The following TTLL12 variants were observed in gnomAD, a reference collection of about 807,000 sequenced individuals.
The protein encoded by TTLL12 is tubulin--tyrosine ligase-like protein 12.
In TTLL12, 77 loss-of-function variants were observed where a neutral mutation model predicts 79.6. The observed-to-expected ratio is 0.97, with a 90% CI of 0.81 to 1.17. TTLL12 has a LOEUF of 1.17. TTLL12 is among the 50% of genes most tolerant of loss of function. TTLL12 has a pLI of 0.00. For synonymous variants in TTLL12, 437 were observed against 376.1 expected (o/e 1.16, Z -1.87); for missense variants, 969 against 895.9 (o/e 1.08, Z -1.04).
intron 12 of TTLL12, 63 bp downstream of exon 12, chr22:43,169,437 C>T (rs138932): frequency 0.34 from 482,237 of 1,401,136 alleles, 89,373 homozygotes; most frequent in Non-Finnish European, 0.38. Context: ...GGAGCAGCTC[C>T]TGCAGGCCCC....
intron 11 of TTLL12, among the ~76,000 whole-genome samples, chr22:43,170,783 C>T (rs1264729356): frequency 5.9e-5 from 9 of 152,202 alleles, no homozygotes; most frequent in South Asian, 2.1e-4. Context: ...CGTGGAGGCA[C>T]GTGCCCGTAG....
At chr22:43,183,364 T>G (rs1047599012) in intron 1 of TTLL12, among the ~76,000 whole-genome samples, 1 of 152,178 alleles carries the variant, frequency 6.6e-6, no homozygotes, top group South Asian at 2.1e-4. Flanking sequence ...AGGGACCTAA[T>G]GTACCCCACC....
Position 43,174,602 on chromosome 22 carries a change from C to G in TTLL12, c.931G>C (p.Val311Leu). Residue 311 changes from valine to leucine, a missense_variant, in exon 7 of 14, where the codon GTG becomes CTG. Val to Leu is a conservative substitution (Grantham distance 32, BLOSUM62 1). Transcript: ENST00000216129. ...GTGAGGCTGCTGGCCACCTGCTGCA[C>G]GTCCGTGTAGACCCTGTGGGGAGAG... ...HGHIFKVYTD[V>L]QQVASSLTHP... 4 of 1,611,230 alleles carry G rather than the reference C, an allele frequency of 2.5e-6. No homozygotes were observed. The highest frequency in any genetic ancestry group is 3.4e-6 in the Non-Finnish European group (4 of 1,179,142).
chr22:43,173,335 G>A (rs1201710138), intron 9 of TTLL12, among the ~76,000 whole-genome samples: 1 of 152,058 alleles, frequency 6.6e-6, no homozygotes, highest in African/African-American at 2.4e-5. Flanking sequence ...TTTAAAGACT[G>A]GGTCTTGCTC....
Position 43,174,299 on chromosome 22 carries a change from C to A in TTLL12, c.1139G>T (p.Gly380Val), listed in dbSNP as rs780036299. 3 of 1,610,768 alleles carry A rather than the reference C, an allele frequency of 1.9e-6. No homozygotes were observed. The highest frequency in any genetic ancestry group is 1.7e-5 in the Admixed American group (1 of 59,780). ...GGGCAGCCAGGGTGGGCCCTCGGGG[C>A]CACCTGCCCGGCGCGCGATGGAGGC... Reference protein sequence around the residue: ...CLASIARRAGGPEGPPWLPRT... With the variant: ...CLASIARRAGVPEGPPWLPRT... The change falls in exon 8 of 14, where the codon GGC (glycine) becomes GTC (valine). Residue 380 changes from glycine to valine, a missense_variant. Physicochemically the swap from Gly to Val is moderately radical, Grantham distance 109 (BLOSUM62 -3). Transcript: ENST00000216129.
chr22:43,180,132 G>C, intron 3 of TTLL12, 132 bp from the exon 4 acceptor site: 1 of 1,129,148 alleles, frequency 8.9e-7, no homozygotes, highest in Non-Finnish European at 1.3e-6. Context: ...ATGTACCCCA[G>C]GCCCTTTAGC....
chr22:43,184,229 G>A (rs550698710), intron 1 of TTLL12, among the ~76,000 whole-genome samples: 6 of 152,336 alleles, frequency 3.9e-5, no homozygotes, highest in African/African-American at 4.8e-5. Flanking sequence ...CCCACTACTC[G>A]ATTAAAAACG....
intron 3 of TTLL12, 82 bp from the exon 4 acceptor site, chr22:43,180,082 C>T: frequency 6.9e-7 from 1 of 1,459,082 alleles, no homozygotes. Flanking sequence ...CATCGACCAC[C>T]AGCCCACAGC....
At chr22:43,185,769 G>A (rs895107645) in intron 1 of TTLL12, among the ~76,000 whole-genome samples, 1 of 152,224 alleles carries the variant, frequency 6.6e-6, no homozygotes, top group African/African-American at 2.4e-5. Context: ...GAGGCTGGCT[G>A]GGCAGGAGCT....
Position 43,167,899 on chromosome 22 carries a change from C to G in TTLL12, c.*109G>C. The G allele has an allele frequency of 7.1e-7, 1 of 1,414,174 alleles. No homozygotes were observed. The highest frequency in any genetic ancestry group is 9.7e-7 in the Non-Finnish European group (1 of 1,033,554). 87.6% of individuals were successfully genotyped at this position (1,414,174 alleles called of 1,614,324 possible). A position where few individuals can be genotyped will look rare whatever the true frequency, so the allele number is the denominator to read the frequency against. On this transcript the variant is annotated 3_prime_UTR_variant, in exon 14 of 14. Coordinates refer to ENST00000216129, the MANE Select transcript of TTLL12 (RefSeq NM_015140.4). The stretch of plus-strand genomic sequence containing the variant: ...GCAGGACAGAGGCCTGGGGCTGAGG[C>G]TATGCCCAGGGCCGGTGTGGGGAGG...
chr22:43,171,971 C>A, intron 10 of TTLL12, 71 bp from the exon 11 acceptor site: 1 of 1,326,058 alleles, frequency 7.5e-7, no homozygotes. Context: ...GTGCCACCCA[C>A]TCAGCCTTCC....
intron 13 of TTLL12, 25 bp downstream of exon 13, chr22:43,168,749 T>A (rs1931683140): frequency 1.3e-6 from 2 of 1,548,768 alleles, no homozygotes; most frequent in East Asian, 4.9e-5. Flanking sequence ...CTGGTTTGGA[T>A]CAGGAGATGG....
chr22:43,186,619 G>C lies in TTLL12; in HGVS notation c.177+274C>G, dbSNP rs1197133220. Reference sequence around the variant, plus strand: ...GGTGATGAGTTTCACTCCTCGCAGGGCTGTGTCAGGCTCGGGTGTGTGGAG... The same window carrying C: ...GGTGATGAGTTTCACTCCTCGCAGGCCTGTGTCAGGCTCGGGTGTGTGGAG... On this transcript the variant is annotated intron_variant, in intron 1 of 13. Coordinates refer to ENST00000216129, the MANE Select transcript of TTLL12 (RefSeq NM_015140.4). Among the ~76,000 whole-genome samples, 3 of 152,316 alleles carry C rather than the reference G, an allele frequency of 2.0e-5. 1 individual carries two copies. The highest frequency in any genetic ancestry group is 6.8e-3 in the Middle Eastern group (2 of 294).
At chr22:43,180,378 G>C (rs549841488) in intron 3 of TTLL12, among the ~76,000 whole-genome samples, 3 of 152,172 alleles carry the variant, frequency 2.0e-5, no homozygotes, top group African/African-American at 7.2e-5. Flanking sequence ...GAAACAAGCA[G>C]GTGTCTTTTC....
chr22:43,167,548 C>T lies in TTLL12; in HGVS notation c.*460G>A, dbSNP rs577118991. On this transcript the variant is annotated 3_prime_UTR_variant, in exon 14 of 14. Transcript: ENST00000216129. Reference sequence around the variant, plus strand: ...TCCTGATGCATAAGAGCAGAGACCCCGGAAGAGAAACCCGCCTGCCCCGTG... The same window carrying T: ...TCCTGATGCATAAGAGCAGAGACCCTGGAAGAGAAACCCGCCTGCCCCGTG... 9 of 187,526 alleles carry T rather than the reference C, an allele frequency of 4.8e-5. No individual in the cohort carries two copies. In the South Asian group the frequency reaches 5.7e-4, roughly 12 times the overall value. 11.6% of individuals were successfully genotyped at this position (187,526 alleles called of 1,614,324 possible).
intron 1 of TTLL12, among the ~76,000 whole-genome samples, chr22:43,185,352 A>G (rs1932158480): frequency 6.8e-6 from 1 of 146,836 alleles, no homozygotes; most frequent in African/African-American, 2.5e-5. Flanking sequence ...GCCTAAGGTG[A>G]GGCAGGAGGG....
At position 43,183,009 on chromosome 22, in the gene TTLL12, C is replaced by T; in HGVS notation, c.318G>A (p.Glu106=). ...ELCYKVIVTR[E]SGLQAAHPNS... ...TGGGGTGGGCTGCCTGGAGCCCGCT[C>T]TCCCTGGTCACGATGACCTTGTAGC... is the stretch of plus-strand genomic sequence containing the variant. Residue 106 remains glutamate (E), a synonymous_variant, in exon 2 of 14, where the codon GAG becomes GAA. Transcript: ENST00000216129. The T allele has an allele frequency of 2.5e-6, 4 of 1,613,842 alleles. No homozygotes were observed. The highest frequency in any genetic ancestry group is 3.4e-6 in the Non-Finnish European group (4 of 1,179,858).
At chr22:43,178,660 C>A (rs1234156643) in intron 5 of TTLL12, among the ~76,000 whole-genome samples, 1 of 152,158 alleles carries the variant, frequency 6.6e-6, no homozygotes, top group Non-Finnish European at 1.5e-5. Flanking sequence ...TCGTCTAACC[C>A]TTCCCGAAAC....
At chr22:43,170,190 G>C in intron 11 of TTLL12, 1 of 344,376 alleles carries the variant, frequency 2.9e-6, no homozygotes, top group Non-Finnish European at 5.7e-6. Context: ...CTCCAGGAGA[G>C]GACTCCCGGG....
Sources: gnomAD v4.1 joint callset for allele counts (sites outside exome capture counted in the v4.1 genomes callset) on GRCh38, gnomAD v4.1.1 for gene constraint, MANE v1.5 for transcripts, NCBI Gene and HGNC (gene_info 2026-07-23, HGNC 2026-07-21) for gene names.